COG4: variants seen among roughly 807,000 people sequenced by gnomAD.
COG4 encodes the protein conserved oligomeric Golgi complex subunit 4.
COG4 carries 65 observed loss-of-function variants against 95.1 expected under a neutral mutation model. That is an observed-to-expected ratio of 0.68 (90% CI 0.56 to 0.84). COG4 has a LOEUF of 0.84. Among genes scored for constraint, COG4 ranks in the 40% least tolerant of loss-of-function variants. The pLI is 0.00. For synonymous variants in COG4, 421 were observed against 374.8 expected (o/e 1.12, Z -1.42); for missense variants, 1,045 against 989.1 (o/e 1.06, Z -0.76).
chr16:70,508,139 T>G (rs1234763131), intron 8 of COG4, among the ~76,000 whole-genome samples: 1 of 152,038 alleles, frequency 6.6e-6, no homozygotes, highest in Non-Finnish European at 1.5e-5. Context: ...CAGGCTGGTC[T>G]CGAACTCCCG....
intron 2 of COG4, among the ~76,000 whole-genome samples, chr16:70,518,748 G>A (rs568393422): frequency 7.2e-5 from 11 of 152,058 alleles, no homozygotes; most frequent in Non-Finnish European, 1.5e-4. Context: ...GAGGCCAGGC[G>A]GGCGGATCAC....
chr16:70,501,177 C>G, intron 8 of COG4, 86 bp from the exon 9 acceptor site: 1 of 1,484,926 alleles, frequency 6.7e-7, no homozygotes, highest in Middle Eastern at 2.1e-4. Flanking sequence ...CCCAAATTCC[C>G]CCTCCCCACT....
chr16:70,505,197 CTTT>C (rs767606425), intron 8 of COG4, among the ~76,000 whole-genome samples: 2 of 122,634 alleles, frequency 1.6e-5, no homozygotes, highest in Admixed American at 8.2e-5. Flanking sequence ...TTTGGATTTT[CTTT>C]TTTTTTTTTT....
chr16:70,503,754 C>T (rs1436328862), intron 8 of COG4, among the ~76,000 whole-genome samples: 1 of 138,722 alleles, frequency 7.2e-6, no homozygotes, highest in Non-Finnish European at 1.5e-5. Flanking sequence ...ACCACCACGC[C>T]CGGCTAATTT....
At position 70,516,741 on chromosome 16, in the gene COG4, T is replaced by C. The variant is rs1296526947; in HGVS notation, c.369+885A>G. On this transcript the variant is annotated intron_variant, in intron 3 of 18. Transcript: ENST00000323786. Reference sequence around the variant, plus strand: ...TAATGTGGTAGCTTTTTTTTTTAAATAGAAGCTGGTATTTATTAACTTATT... The same window carrying C: ...TAATGTGGTAGCTTTTTTTTTTAAACAGAAGCTGGTATTTATTAACTTATT... Among the ~76,000 whole-genome samples, 3 of 152,158 alleles carry C rather than the reference T, an allele frequency of 2.0e-5. No individual in the cohort carries two copies. The South Asian group carries it at 6.2e-4, about 32-fold the overall frequency.
intron 13 of COG4, among the ~76,000 whole-genome samples, chr16:70,487,010 G>T (rs991678476): frequency 7.7e-5 from 11 of 143,360 alleles, no homozygotes; most frequent in Admixed American, 2.1e-4. Flanking sequence ...AAAAAAAAAA[G>T]TCAGGCATGG....
chr16:70,522,195 C>A (rs1005189769), intron 1 of COG4, among the ~76,000 whole-genome samples: 2 of 151,888 alleles, frequency 1.3e-5, no homozygotes, highest in Non-Finnish European at 2.9e-5. Flanking sequence ...TGGTTTTCAC[C>A]ATTTTGGTCA....
Position 70,514,423 on chromosome 16 carries a change from A to G in COG4, c.456T>C (p.Ser152=), listed in dbSNP as rs751387887. The change falls in exon 4 of 19, where the codon AGT becomes AGC. Residue 152 remains serine (S), a synonymous_variant. Transcript: ENST00000323786. Reference sequence around the variant, plus strand: ...GTGCTGCAGCCTGCTCATAATCTTCACTCCTCAAAGCAGTCTGAACTCCAT... The same window carrying G: ...GTGCTGCAGCCTGCTCATAATCTTCGCTCCTCAAAGCAGTCTGAACTCCAT... ...CMDGVQTALR[S]EDYEQAAAHT... 1.9e-6 allele frequency: 3 copies of G among 1,613,944 alleles called. No homozygotes were observed. In the South Asian group the frequency reaches 3.3e-5, roughly 18 times the overall value.
rs1019367984 is a variant in COG4, at chr16:70,509,465, C to T, written c.845-77G>A. On this transcript the variant is annotated intron_variant, in intron 6 of 18. Coordinates refer to ENST00000323786, the MANE Select transcript of COG4 (RefSeq NM_015386.3). ...TAAACTTGCTCCCATCCAGGACTAA[C>T]CGAAGGTCTAGCTCAATCCTTTTGG... The T allele has an allele frequency of 2.2e-5, 33 of 1,529,216 alleles. 1 individual carries two copies. In the Admixed American group the frequency reaches 3.9e-4, roughly 18 times the overall value. 94.7% of individuals were successfully genotyped at this position (1,529,216 alleles called of 1,614,324 possible). A position where few individuals can be genotyped will look rare whatever the true frequency, so the allele number is the denominator to read the frequency against.
intron 9 of COG4, among the ~76,000 whole-genome samples, chr16:70,500,451 C>A (rs1249033694): frequency 6.7e-6 from 1 of 148,512 alleles, no homozygotes; most frequent in African/African-American, 2.6e-5. Flanking sequence ...CCTATGCCCC[C>A]CAGGGTTCAA....
intron 5 of COG4, 83 bp downstream of exon 5, chr16:70,512,156 C>T (rs1317461252): frequency 7.9e-7 from 1 of 1,271,070 alleles, no homozygotes; most frequent in African/African-American, 1.5e-5. Context: ...GAGAAAGTAT[C>T]CACAGAAACT....
rs1243581665 is a variant in COG4, at chr16:70,512,219, C to G, written c.738+20G>C. 6.2e-7 allele frequency: 1 copy of G among 1,612,124 alleles called. No homozygotes were observed. The highest frequency in any genetic ancestry group is 1.1e-5 in the South Asian group (1 of 91,018). ...GCAGACAGCCACACAATTATCCTGCCAAGCAATCAGGGTCCATACCTGCTT... is the reference window on the plus strand; with the variant it reads ...GCAGACAGCCACACAATTATCCTGCGAAGCAATCAGGGTCCATACCTGCTT... On this transcript the variant is annotated intron_variant, in intron 5 of 18. Transcript: ENST00000323786.
chr16:70,508,533 T>G, intron 7 of COG4, 69 bp from the exon 8 acceptor site: 3 of 1,386,964 alleles, frequency 2.2e-6, no homozygotes, highest in Non-Finnish European at 2.1e-6. Flanking sequence ...TGCTGGTCAC[T>G]CCAAACTTTT....
chr16:70,522,455 A>G (rs1164618738), intron 1 of COG4, among the ~76,000 whole-genome samples: 1 of 152,224 alleles, frequency 6.6e-6, no homozygotes, highest in Non-Finnish European at 1.5e-5. Context: ...TGTTTCTAAA[A>G]ATAACAAAAC....
rs753052570 is a variant in COG4, at chr16:70,509,404, CA to C, written c.845-17del. Reference sequence around the variant, plus strand: ...CGGGCAATCCCTAGAAGGGAGGAAGCAATAGGGTTATATTCCAAGTATTCTT... The same window carrying C: ...CGGGCAATCCCTAGAAGGGAGGAAGCATAGGGTTATATTCCAAGTATTCTT... On this transcript the variant is annotated splice_polypyrimidine_tract_variant and intron_variant, in intron 6 of 18. Transcript: ENST00000323786. 6.2e-7 allele frequency: 1 copy of C among 1,614,012 alleles called. No individual in the cohort carries two copies. Among genetic ancestry groups the C allele is most frequent in the Non-Finnish European group, 8.5e-7 (1 of 1,179,896 alleles).
intron 5 of COG4, among the ~76,000 whole-genome samples, chr16:70,511,581 C>T (rs1269209591): frequency 6.6e-6 from 1 of 151,556 alleles, no homozygotes; most frequent in Non-Finnish European, 1.5e-5. Flanking sequence ...CGCATGGTGG[C>T]ATGTGCCTGC....
At chr16:70,498,147 T>C (rs1597669071) in intron 9 of COG4, 92 bp from the exon 10 acceptor site, 2 of 775,244 alleles carry the variant, frequency 2.6e-6, no homozygotes, top group Non-Finnish European at 4.7e-6. Context: ...TTATAGTCTT[T>C]CTTTGAAATA....
chr16:70,488,390 G>C (rs1448534912), intron 13 of COG4, among the ~76,000 whole-genome samples: 2 of 152,186 alleles, frequency 1.3e-5, no homozygotes, highest in Non-Finnish European at 2.9e-5. Context: ...GCCTCCCAAA[G>C]TGCTGGGATT....
chr16:70,502,364 G>A (rs1244143637), intron 8 of COG4, among the ~76,000 whole-genome samples: 1 of 151,268 alleles, frequency 6.6e-6, no homozygotes, highest in African/African-American at 2.4e-5. Context: ...GGAGGCTGAG[G>A]TGGGCGGATC....
Sources: allele counts gnomAD v4.1 joint callset (sites outside exome capture counted in the v4.1 genomes callset), GRCh38; gene constraint gnomAD v4.1.1; transcripts MANE v1.5; gene names NCBI Gene and HGNC (gene_info 2026-07-23, HGNC 2026-07-21).